PRKCE: variants seen among roughly 807,000 people sequenced by gnomAD.
PRKCE encodes the protein protein kinase C epsilon type.
In PRKCE, 16 loss-of-function variants were observed where a neutral mutation model predicts 85.4. The observed-to-expected ratio is 0.19, with a 90% CI of 0.13 to 0.28. The LOEUF (loss-of-function observed/expected upper bound fraction) is 0.28. Among genes scored for constraint, PRKCE ranks in the 10% least tolerant of loss-of-function variants. PRKCE has a pLI of 1.00. For synonymous variants in PRKCE, 388 were observed against 371.5 expected, an observed-to-expected ratio of 1.04 and a Z score of -0.51; for missense variants, 573 against 975.2, an observed-to-expected ratio of 0.59 and a Z score of 5.49.
At chr2:45,809,016 A>G (rs1034507050) in intron 1 of PRKCE, among the ~76,000 whole-genome samples, 1 of 152,014 alleles carries the variant, frequency 6.6e-6, no homozygotes, top group Non-Finnish European at 1.5e-5. Flanking sequence ...GTCCTCGTCT[A>G]CCCTGGTGGT....
chr2:45,695,536 G>C (rs1223139670), intron 1 of PRKCE, among the ~76,000 whole-genome samples: 1 of 152,222 alleles, frequency 6.6e-6, no homozygotes, highest in Non-Finnish European at 1.5e-5. Context: ...ACTTTGGGAG[G>C]CTGAGGTGGG....
chr2:45,950,298 A>C (rs577530231), intron 2 of PRKCE, among the ~76,000 whole-genome samples: 1 of 152,234 alleles, frequency 6.6e-6, no homozygotes, highest in African/African-American at 2.4e-5. Context: ...TAACACTAGG[A>C]GTAAAAACAG....
chr2:45,958,995 C>T (rs1233276173), intron 2 of PRKCE, among the ~76,000 whole-genome samples: 4 of 151,214 alleles, frequency 2.6e-5, no homozygotes, highest in Admixed American at 2.0e-4. Flanking sequence ...CTAACAGGTG[C>T]ACATTTCAGG....
At chr2:46,012,419 A>C (rs951910735) in intron 10 of PRKCE, among the ~76,000 whole-genome samples, 1 of 151,646 alleles carries the variant, frequency 6.6e-6, no homozygotes, top group Non-Finnish European at 1.5e-5. Context: ...CTGGCATCTC[A>C]TCTAGTCTCA....
chr2:46,019,963 C>G (rs1272455381), intron 10 of PRKCE, among the ~76,000 whole-genome samples: 1 of 151,132 alleles, frequency 6.6e-6, no homozygotes, highest in African/African-American at 2.5e-5. Context: ...AATTCTCCTG[C>G]CTCAGCTTCC....
intron 11 of PRKCE, among the ~76,000 whole-genome samples, chr2:46,092,594 A>G (rs1365386148): frequency 1.3e-5 from 2 of 152,222 alleles, no homozygotes; most frequent in Non-Finnish European, 2.9e-5. Context: ...TCAGAACCTC[A>G]GTGCACCTTA....
At chr2:46,027,500 G>C (rs1707203589) in intron 10 of PRKCE, among the ~76,000 whole-genome samples, 1 of 152,154 alleles carries the variant, frequency 6.6e-6, no homozygotes, top group Non-Finnish European at 1.5e-5. Context: ...AGCTAAAAGT[G>C]AGTCTTATTT....
chr2:46,180,305 G>C (rs1679842930), intron 14 of PRKCE, among the ~76,000 whole-genome samples: 1 of 152,346 alleles, frequency 6.6e-6, no homozygotes, highest in Middle Eastern at 3.4e-3. Flanking sequence ...CTGGAGGCAA[G>C]AGAAAGCAGG....
intron 2 of PRKCE, among the ~76,000 whole-genome samples, chr2:45,861,619 C>G (rs991716444): frequency 2.0e-5 from 3 of 152,088 alleles, no homozygotes; most frequent in Non-Finnish European, 2.9e-5. Context: ...TTTTATTCTC[C>G]CTTCTCTCTT....
chr2:45,687,258 AAATT>A (rs1349784766), intron 1 of PRKCE, among the ~76,000 whole-genome samples: 1 of 152,232 alleles, frequency 6.6e-6, no homozygotes, highest in Non-Finnish European at 1.5e-5. Flanking sequence ...GTATTCTAAT[AAATT>A]AGTAAGAAAA....
chr2:45,992,732 TC>T (rs1007105457), intron 6 of PRKCE, among the ~76,000 whole-genome samples: 2 of 152,154 alleles, frequency 1.3e-5, no homozygotes, highest in African/African-American at 4.8e-5. Flanking sequence ...TTGGAGGAAT[TC>T]CCAGGAGCCT....
intron 11 of PRKCE, among the ~76,000 whole-genome samples, chr2:46,093,626 T>C (rs1670400692): frequency 6.6e-6 from 1 of 152,008 alleles, no homozygotes; most frequent in Non-Finnish European, 1.5e-5. Context: ...ACTCCTGGAT[T>C]TGAGCAATCC....
intron 1 of PRKCE, among the ~76,000 whole-genome samples, chr2:45,813,865 G>A (rs140771765): frequency 3.2e-4 from 48 of 152,342 alleles, no homozygotes; most frequent in African/African-American, 5.8e-4. Context: ...GATTGCATCT[G>A]TTCTCTTCTG....
chr2:46,126,388 C>T (rs1417672432), intron 11 of PRKCE, among the ~76,000 whole-genome samples: 1 of 152,086 alleles, frequency 6.6e-6, no homozygotes, highest in Admixed American at 6.5e-5. Flanking sequence ...TATACTACAC[C>T]AGAGGAGGTA....
chr2:45,910,726 C>G (rs565455556), intron 2 of PRKCE, among the ~76,000 whole-genome samples: 1 of 151,868 alleles, frequency 6.6e-6, no homozygotes, highest in Admixed American at 6.5e-5. Context: ...TGGAGGTAGG[C>G]GGGTCCATGG....
chr2:46,112,409 T>G (rs1459003602), intron 11 of PRKCE, among the ~76,000 whole-genome samples: 1 of 152,240 alleles, frequency 6.6e-6, no homozygotes, highest in Non-Finnish European at 1.5e-5. Context: ...TTAATTGATG[T>G]ATTTAGACCA....
chr2:46,056,012 A>G (rs1666549372), intron 10 of PRKCE, among the ~76,000 whole-genome samples: 3 of 152,078 alleles, frequency 2.0e-5, no homozygotes, highest in Admixed American at 1.3e-4. Context: ...AAAATACAGG[A>G]CTTCAGGGGT....
At chr2:45,808,416 A>G (rs1301546909) in intron 1 of PRKCE, among the ~76,000 whole-genome samples, 1 of 152,202 alleles carries the variant, frequency 6.6e-6, no homozygotes, top group Non-Finnish European at 1.5e-5. Context: ...CAACCATAAA[A>G]AAGTGTTATT....
chr2:45,717,555 A>G (rs896834626), intron 1 of PRKCE, among the ~76,000 whole-genome samples: 14 of 152,248 alleles, frequency 9.2e-5, no homozygotes, highest in Non-Finnish European at 2.1e-4. Context: ...GGAGCAAAAT[A>G]CGTTCCTTCT....
Sources: gnomAD v4.1 joint callset for allele counts (sites outside exome capture counted in the v4.1 genomes callset) on GRCh38, gnomAD v4.1.1 for gene constraint, MANE v1.5 for transcripts, NCBI Gene and HGNC (gene_info 2026-07-23, HGNC 2026-07-21) for gene names.